The following FBN3 variants were observed in gnomAD, a reference collection of about 807,000 sequenced individuals.
The protein encoded by FBN3 is fibrillin 3, also known as fibrillin-3.
In FBN3, 234 loss-of-function variants were observed where a neutral mutation model predicts 330.1. The ratio of observed to expected loss-of-function variants is 0.71; its 90% confidence interval spans 0.64 to 0.79. The LOEUF is 0.79. FBN3 is among the 30% of genes least tolerant of loss of function. The probability of loss-of-function intolerance (pLI) is 0.00; values close to 1 mark genes in which losing one functional copy is unlikely to be tolerated. For missense variants in FBN3, 3,606 were observed against 3,886.9 expected, an observed-to-expected ratio of 0.93 and a Z score of 1.92; for synonymous variants, 1,458 against 1,517.3, an observed-to-expected ratio of 0.96 and a Z score of 0.91.
At chr19:8,076,826 G>T (rs1188235989) in intron 59 of FBN3, among the ~76,000 whole-genome samples, 2 of 152,096 alleles carry the variant, frequency 1.3e-5, no homozygotes, top group Non-Finnish European at 2.9e-5. Context: ...AAGTGGCACA[G>T]TCTCAGCTCA....
In FBN3 at chr19:8,138,591, T is replaced by G. The variant is rs781022725; in HGVS notation, c.866-27A>C. 3 of 1,577,996 alleles carry G rather than the reference T, an allele frequency of 1.9e-6. No individual in the cohort carries two copies. In the African/African-American group the frequency reaches 4.0e-5, roughly 21 times the overall value. On this transcript the variant is annotated intron_variant, in intron 8 of 63. Coordinates refer to ENST00000600128, the MANE Select transcript of FBN3 (RefSeq NM_032447.5). ...TGCAAAAGATCAGAGGGTGAGCCCA[T>G]GAGCACAGGACATCAGTGACCAGAC...
In FBN3 at chr19:8,086,714, C is replaced by T. The variant is rs567539673; in HGVS notation, c.6754+363G>A. Among the ~76,000 whole-genome samples, 40 of 151,770 alleles carry T rather than the reference C, an allele frequency of 2.6e-4. No individual in the cohort carries two copies. The East Asian group carries it at 7.4e-3, about 28-fold the overall frequency. On this transcript the variant is annotated intron_variant, in intron 54 of 63. Transcript: ENST00000600128. ...AACTCCTAACCTCAGATGATCCAACCGCCTTGGTCTCCCAAAGTGCTAGGA... is the reference window on the plus strand; with the variant it reads ...AACTCCTAACCTCAGATGATCCAACTGCCTTGGTCTCCCAAAGTGCTAGGA...
Position 8,095,971 on chromosome 19 carries a change from AT to A in FBN3, c.5648del (p.Asp1883ValfsTer203). ...CCACCTGAGCCGACTCACCCACACAATCCCCATTGTGTGTCACCACAAAGCC... is the reference window on the plus strand; with the variant it reads ...CCACCTGAGCCGACTCACCCACACAACCCCATTGTGTGTCACCACAAAGCC... ...FPGFVVTHNG[D>X]CVDFDECTTL... On this transcript the variant is annotated frameshift_variant, in exon 45 of 64. Coordinates refer to ENST00000600128, the MANE Select transcript of FBN3 (RefSeq NM_032447.5). LOFTEE classifies it high-confidence loss of function. 1 of 1,610,258 alleles carries A rather than the reference AT, an allele frequency of 6.2e-7. No individual in the cohort carries two copies.
chr19:8,145,009 A>G, intron 5 of FBN3, 37 bp from the exon 6 acceptor site: 1 of 1,542,294 alleles, frequency 6.5e-7, no homozygotes. Flanking sequence ...GAGGTCCCCC[A>G]GCAGCAGAGA....
At chr19:8,075,223 C>T (rs202000856) in intron 60 of FBN3, 33 bp from the exon 61 acceptor site, 89 of 1,574,970 alleles carry the variant, frequency 5.7e-5, no homozygotes, top group Non-Finnish European at 7.3e-5. Context: ...GAGGGTTTAC[C>T]AGACGGCTCT....
chr19:8,085,626 A>G, intron 55 of FBN3, 57 bp from the exon 56 acceptor site: 1 of 1,364,660 alleles, frequency 7.3e-7, no homozygotes, highest in African/African-American at 1.5e-5. Flanking sequence ...TTGGGGGCAA[A>G]GACTGAGCTT....
At chr19:8,115,022 A>C (rs1768435685) in intron 30 of FBN3, among the ~76,000 whole-genome samples, 1 of 151,918 alleles carries the variant, frequency 6.6e-6, no homozygotes, top group Admixed American at 6.6e-5. Context: ...TGCCTGGCTA[A>C]TTTTTGTATT....
chr19:8,147,584 GC>G, intron 1 of FBN3, 87 bp from the exon 2 acceptor site: 6 of 1,190,290 alleles, frequency 5.0e-6, no homozygotes, highest in Non-Finnish European at 6.7e-6. Context: ...CAGGGTGGTT[GC>G]CAAATGGGGC....
At chr19:8,085,990 A>AGGGACAGGCAGTGGG (rs1418740062) in intron 55 of FBN3, among the ~76,000 whole-genome samples, 7 of 94,966 alleles carry the variant, frequency 7.4e-5, no homozygotes, top group Admixed American at 4.0e-4. Context: ...AGGCAGTGGG[A>AGGGACAGGCAGTGGG]GGGACAGGCA....
In FBN3 at chr19:8,098,089, C is replaced by A. The variant is rs35911979; in HGVS notation, c.5162-675G>T. On this transcript the variant is annotated intron_variant, in intron 41 of 63. Coordinates refer to ENST00000600128, the MANE Select transcript of FBN3 (RefSeq NM_032447.5). ...ATGGTTGTGTAACACTGTGAATGTA[C>A]TCAAAACCACTAAAGAGGGCACTTT... 3.9e-5 allele frequency among the ~76,000 whole-genome samples: 6 copies of A among 152,106 alleles called. No individual in the cohort carries two copies. The South Asian group carries it at 1.2e-3, about 32-fold the overall frequency.
At position 8,117,447 on chromosome 19, in the gene FBN3, G is replaced by A. The variant is rs1599381564; in HGVS notation, c.3463+17C>T. 6.4e-7 allele frequency: 1 copy of A among 1,560,372 alleles called. No individual in the cohort carries two copies. On this transcript the variant is annotated intron_variant, in intron 27 of 63. Coordinates refer to ENST00000600128, the MANE Select transcript of FBN3 (RefSeq NM_032447.5). ...TGTGGTTGGTGCCCAGGGGCCAGCA[G>A]GTGGGCACAGTCTCACCCACGCAGC...
intron 8 of FBN3, among the ~76,000 whole-genome samples, chr19:8,140,240 G>A (rs554756719): frequency 1.3e-5 from 2 of 152,096 alleles, no homozygotes; most frequent in African/African-American, 4.8e-5. Context: ...GAGGCGGGTG[G>A]ATCACCTGAG....
rs1409707101 is a variant in FBN3 at position 8,083,323 on chromosome 19, G to A, written c.7137C>T (p.Cys2379=). The A allele has an allele frequency of 5.0e-6, 8 of 1,614,086 alleles. No individual in the cohort carries two copies. Among genetic ancestry groups the A allele is most frequent in the Non-Finnish European group, 6.8e-6 (8 of 1,179,986 alleles). The change falls in exon 57 of 64, where the codon TGC becomes TGT. Residue 2379 remains cysteine, a synonymous_variant. Transcript: ENST00000600128. ...AGCGGAAGGAGCCAAGGCTGTTGAT[G>A]CACTCCCCATGAGCACACAGGTGAG... ...MLAHLCAHGE[C]INSLGSFRCH...
At chr19:8,143,086 C>G (rs1354276465) in intron 6 of FBN3, among the ~76,000 whole-genome samples, 1 of 152,164 alleles carries the variant, frequency 6.6e-6, no homozygotes, top group African/African-American at 2.4e-5. Context: ...CTGGATGTCC[C>G]TGACGCCACC....
At chr19:8,142,472 A>C (rs769001120) in intron 6 of FBN3, among the ~76,000 whole-genome samples, 2 of 152,028 alleles carry the variant, frequency 1.3e-5, no homozygotes, top group Non-Finnish European at 2.9e-5. Flanking sequence ...GCAGGGACCC[A>C]CGGATGCCCA....
intron 48 of FBN3, 138 bp downstream of exon 48, chr19:8,091,327 T>C: frequency 8.5e-7 from 1 of 1,181,364 alleles, no homozygotes; most frequent in Non-Finnish European, 1.2e-6. Context: ...AGGATAACTC[T>C]GCTAATGCAA....
intron 13 of FBN3, among the ~76,000 whole-genome samples, chr19:8,133,456 T>C (rs1195798267): frequency 1.5e-5 from 2 of 133,416 alleles, no homozygotes; most frequent in Admixed American, 7.1e-5. Flanking sequence ...AAGACAACAA[T>C]TTTTTTTTTT....
Position 8,097,402 on chromosome 19 carries a change from C to A in FBN3, c.5174G>T (p.Cys1725Phe). Residue 1725 changes from cysteine (C) to phenylalanine (F), a missense_variant, in exon 42 of 64, where the codon TGT becomes TTT. Physicochemically the swap from Cys to Phe is radical, Grantham distance 205 (BLOSUM62 -2). Coordinates refer to ENST00000600128, the MANE Select transcript of FBN3 (RefSeq NM_032447.5). ...HTGKPLDIDE[C>F]GEIPAICANG... Reference sequence around the variant, plus strand: ...GGCACAGATGGCGGGGATCTCCCCACACTCATCAATGTCTGCAGAAGGCAT... The same window carrying A: ...GGCACAGATGGCGGGGATCTCCCCAAACTCATCAATGTCTGCAGAAGGCAT... 6.3e-7 allele frequency: 1 copy of A among 1,596,294 alleles called. No individual in the cohort carries two copies. The highest frequency in any genetic ancestry group is 8.6e-7 in the Non-Finnish European group (1 of 1,165,256).
Position 8,142,104 on chromosome 19 carries a change from C to A in FBN3, c.575G>T (p.Gly192Val). ...YRTGPCFGQV[G>V]PEGCQHQLTG... Reference sequence around the variant, plus strand: ...CAGCTGATGCTGGCACCCCTCGGGGCCTACTTGGCCAAAGCAGGGTCCCGT... The same window carrying A: ...CAGCTGATGCTGGCACCCCTCGGGGACTACTTGGCCAAAGCAGGGTCCCGT... Residue 192 changes from glycine (G) to valine (V), a missense_variant, in exon 7 of 64, where the codon GGC becomes GTC. Physicochemically the swap from Gly to Val is moderately radical, Grantham distance 109. Coordinates refer to ENST00000600128, the MANE Select transcript of FBN3 (RefSeq NM_032447.5). 4 of 1,612,712 alleles carry A rather than the reference C, an allele frequency of 2.5e-6. No homozygotes were observed. Among genetic ancestry groups the A allele is most frequent in the Non-Finnish European group, 3.4e-6 (4 of 1,179,270 alleles).
Sources: allele counts gnomAD v4.1 joint callset (sites outside exome capture counted in the v4.1 genomes callset), GRCh38; gene constraint gnomAD v4.1.1; transcripts MANE v1.5; gene names NCBI Gene and HGNC (gene_info 2026-07-23, HGNC 2026-07-21).